WWOX: variants seen among roughly 807,000 people sequenced by gnomAD.
WWOX encodes the protein WW domain containing oxidoreductase.
Under a neutral mutation model 46.2 loss-of-function variants are expected in WWOX, and 69 were observed. The ratio of observed to expected loss-of-function variants is 1.49; its 90% CI spans 1.23 to 1.82. WWOX has a LOEUF of 1.82. Ranked by LOEUF, WWOX falls within the 40% of genes most tolerant of loss-of-function variation. The pLI, the probability that WWOX is intolerant of heterozygous loss-of-function variation, is 0.00. For missense variants in WWOX, 919 were observed against 542.6 expected, an observed-to-expected ratio of 1.69 and a Z score of -6.89; for synonymous variants, 359 against 202.6, an observed-to-expected ratio of 1.77 and a Z score of -6.56.
chr16:78,185,744 G>A (rs2035679527), intron 5 of WWOX, among the ~76,000 whole-genome samples: 1 of 152,030 alleles, frequency 6.6e-6, no homozygotes, highest in African/African-American at 2.4e-5. Flanking sequence ...TCAGCTCACT[G>A]CAGTCTCCAT....
intron 8 of WWOX, among the ~76,000 whole-genome samples, chr16:78,860,068 C>A (rs1033112913): frequency 6.6e-6 from 1 of 152,050 alleles, no homozygotes; most frequent in Non-Finnish European, 1.5e-5. Context: ...ATTTTCTAGC[C>A]GCATATTAGC....
Position 78,938,025 on chromosome 16 carries a change from A to G in WWOX, c.1057-273583A>G, listed in dbSNP as rs111418752. 6.7e-3 allele frequency among the ~76,000 whole-genome samples: 1,023 copies of G among 152,270 alleles called. 19 individuals carry two copies. Among genetic ancestry groups the G allele is most frequent in the African/African-American group, 0.023 (955 of 41,552 alleles). The stretch of plus-strand genomic sequence containing the variant: ...CCTTGCCTAAGGTATTGCTGTCCTC[A>G]CCGTCCTATGGGGAGATAGGTCACT... On this transcript the variant is annotated intron_variant, in intron 8 of 8. Coordinates refer to ENST00000566780, the MANE Select transcript of WWOX (RefSeq NM_016373.4).
chr16:78,588,840 C>T (rs141981395), intron 8 of WWOX, among the ~76,000 whole-genome samples: 44 of 152,204 alleles, frequency 2.9e-4, no homozygotes, highest in Admixed American at 5.2e-4. Context: ...CAGGTTTACC[C>T]AGGGTGGTGG....
intron 8 of WWOX, among the ~76,000 whole-genome samples, chr16:78,670,780 G>A (rs1448543143): frequency 1.3e-5 from 2 of 151,994 alleles, no homozygotes; most frequent in Non-Finnish European, 2.9e-5. Context: ...CTAAAGTGCT[G>A]GGATTACAGA....
intron 6 of WWOX, 102 bp from the exon 7 acceptor site, chr16:78,424,768 T>G: frequency 7.8e-7 from 1 of 1,278,636 alleles, no homozygotes; most frequent in South Asian, 1.2e-5. Context: ...TTATCCTTGG[T>G]TGTAGTGTTT....
intron 8 of WWOX, among the ~76,000 whole-genome samples, chr16:78,645,823 A>C (rs1452894486): frequency 1.3e-5 from 2 of 152,114 alleles, no homozygotes; most frequent in African/African-American, 2.4e-5. Context: ...GGCCAAAATC[A>C]AGGTGTTGGC....
intron 8 of WWOX, among the ~76,000 whole-genome samples, chr16:78,994,911 G>T (rs896239738): frequency 6.6e-6 from 1 of 151,314 alleles, no homozygotes; most frequent in African/African-American, 2.4e-5. Context: ...TCTGGACACT[G>T]GAAGGGCAAA....
intron 5 of WWOX, among the ~76,000 whole-genome samples, chr16:78,363,181 C>T (rs1050552152): frequency 1.3e-5 from 2 of 152,022 alleles, no homozygotes; most frequent in African/African-American, 4.8e-5. Flanking sequence ...TGTGTGTTCA[C>T]CGTGCTGTGT....
rs1419587251 is a variant in WWOX at position 79,151,819 on chromosome 16, C to T, written c.1057-59789C>T. On this transcript the variant is annotated intron_variant, in intron 8 of 8. Coordinates refer to ENST00000566780, the MANE Select transcript of WWOX (RefSeq NM_016373.4). ...TGGCAAGAAAATCCATGGCCTCCAG[C>T]CCCAGTGTTGAAGTTTTGACGCTAA... Among the ~76,000 whole-genome samples the T allele has an allele frequency of 2.0e-5, 3 of 152,178 alleles. No individual in the cohort carries two copies. In the East Asian group the frequency reaches 5.8e-4, roughly 29 times the overall value.
At chr16:79,178,565 C>T (rs2050848329) in intron 8 of WWOX, among the ~76,000 whole-genome samples, 1 of 152,152 alleles carries the variant, frequency 6.6e-6, no homozygotes, top group Non-Finnish European at 1.5e-5. Context: ...GATCCTCCCG[C>T]CTCGACCTCT....
intron 8 of WWOX, among the ~76,000 whole-genome samples, chr16:78,607,894 T>C (rs1200796708): frequency 1.3e-5 from 2 of 152,220 alleles, no homozygotes; most frequent in South Asian, 4.1e-4. Flanking sequence ...GTCGGGGACC[T>C]GCACACATGT....
At chr16:78,367,592 G>A (rs909874342) in intron 5 of WWOX, among the ~76,000 whole-genome samples, 1 of 152,150 alleles carries the variant, frequency 6.6e-6, no homozygotes, top group African/African-American at 2.4e-5. Flanking sequence ...ATTTTTGTAA[G>A]TAAAGTATTT....
chr16:79,048,494 T>C (rs1192886809), intron 8 of WWOX, among the ~76,000 whole-genome samples: 1 of 152,104 alleles, frequency 6.6e-6, no homozygotes, highest in Non-Finnish European at 1.5e-5. Flanking sequence ...GTCTTGGTGC[T>C]TCGTTTCTGT....
At chr16:78,986,921 A>G (rs2046795166) in intron 8 of WWOX, among the ~76,000 whole-genome samples, 1 of 152,166 alleles carries the variant, frequency 6.6e-6, no homozygotes, top group African/African-American at 2.4e-5. Flanking sequence ...TCAGTAAAAC[A>G]AAGTATTTCA....
At chr16:78,318,295 A>G (rs1464240849) in intron 5 of WWOX, among the ~76,000 whole-genome samples, 3 of 63,452 alleles carry the variant, frequency 4.7e-5, no homozygotes, top group Admixed American at 1.5e-4. Context: ...TTTTTGGTAT[A>G]TCTGTGTTTA....
chr16:78,691,409 AC>A, intron 8 of WWOX: 1 of 640,908 alleles, frequency 1.6e-6, no homozygotes, highest in Non-Finnish European at 2.8e-6. Flanking sequence ...GCTTTAGAAA[AC>A]ATCTGGCTGG....
chr16:79,198,633 A>C (rs1477826097), intron 8 of WWOX, among the ~76,000 whole-genome samples: 1 of 152,236 alleles, frequency 6.6e-6, no homozygotes, highest in Admixed American at 6.5e-5. Context: ...GCTTAGTAGC[A>C]GTGGGGTCAA....
At chr16:78,252,439 C>T (rs1382343083) in intron 5 of WWOX, among the ~76,000 whole-genome samples, 2 of 152,202 alleles carry the variant, frequency 1.3e-5, no homozygotes, top group South Asian at 4.1e-4. Context: ...TATGTATATA[C>T]ATACAGACAC....
intron 4 of WWOX, among the ~76,000 whole-genome samples, chr16:78,146,209 G>A (rs949283735): frequency 5.3e-5 from 8 of 152,096 alleles, no homozygotes; most frequent in African/African-American, 1.9e-4. Flanking sequence ...AAGTGCTTAG[G>A]CTCCCGCTGC....
Sources: allele counts gnomAD v4.1 joint callset (sites outside exome capture counted in the v4.1 genomes callset), GRCh38; gene constraint gnomAD v4.1.1; transcripts MANE v1.5; gene names NCBI Gene and HGNC (gene_info 2026-07-23, HGNC 2026-07-21).